The following CPA6 variants were observed in gnomAD, a reference collection of about 807,000 sequenced individuals.
CPA6 encodes carboxypeptidase A6, also known as carboxypeptidase B.
Under a neutral mutation model 63.3 loss-of-function variants are expected in CPA6, and 58 were observed. The ratio of observed to expected loss-of-function variants is 0.92; its 90% CI spans 0.74 to 1.14. The LOEUF is 1.14. CPA6 is among the 50% of genes most tolerant of loss of function. The pLI, the probability that CPA6 is intolerant of heterozygous loss-of-function variation, is 0.00. For missense variants in CPA6, 565 were observed against 526.6 expected, an observed-to-expected ratio of 1.07 and a Z score of -0.71; for synonymous variants, 185 against 179.0, an observed-to-expected ratio of 1.03 and a Z score of -0.27.
intron 2 of CPA6, among the ~76,000 whole-genome samples, chr8:67,527,351 G>A (rs1453709735): frequency 2.0e-5 from 3 of 151,996 alleles, no homozygotes; most frequent in Admixed American, 6.6e-5. Flanking sequence ...TTCAGATGTC[G>A]GCTTAAGAAT....
chr8:67,541,088 GA>G (rs920020922), intron 2 of CPA6, among the ~76,000 whole-genome samples: 210 of 146,384 alleles, frequency 1.4e-3, no homozygotes, highest in Middle Eastern at 3.5e-3. Context: ...CACTGGGTAC[GA>G]AAAAAAAAAA....
chr8:67,433,907 T>A, intron 9 of CPA6, 131 bp downstream of exon 9: 1 of 664,016 alleles, frequency 1.5e-6, no homozygotes, highest in Non-Finnish European at 2.6e-6. Context: ...AATAAATGAA[T>A]TAATACATGT....
At chr8:67,443,798 A>G (rs1810348937) in intron 8 of CPA6, among the ~76,000 whole-genome samples, 1 of 152,174 alleles carries the variant, frequency 6.6e-6, no homozygotes. Context: ...AGACACAATT[A>G]CAACAATCTG....
In CPA6 at chr8:67,428,235, G is replaced by T. The variant is rs1191833629; in HGVS notation, c.1042-104C>A. On this transcript the variant is annotated intron_variant, in intron 9 of 10. Transcript: ENST00000297770. ...TCGATCATCACCAGATGGCTTCATTGGTTAAGATCTATATTCATTAATAAT... is the reference window on the plus strand; with the variant it reads ...TCGATCATCACCAGATGGCTTCATTTGTTAAGATCTATATTCATTAATAAT... The T allele has an allele frequency of 6.3e-6, 4 of 630,292 alleles. No individual in the cohort carries two copies. The Admixed American group carries it at 8.6e-5, about 14-fold the overall frequency. The allele number at this position is 630,292 out of a possible 1,614,324, so 39.0% of individuals were successfully genotyped here.
intron 8 of CPA6, among the ~76,000 whole-genome samples, chr8:67,459,908 CG>C (rs1810762431): frequency 6.6e-6 from 1 of 151,956 alleles, no homozygotes; most frequent in South Asian, 2.1e-4. Flanking sequence ...GTTGACAATG[CG>C]GGAGGCTATG....
intron 1 of CPA6, among the ~76,000 whole-genome samples, chr8:67,713,089 GTGTGTGTGTGTATATATATA>G (rs1817299241): frequency 1.1e-5 from 1 of 88,238 alleles, no homozygotes; most frequent in Non-Finnish European, 2.2e-5. Context: ...GTGTATGTGT[GTGTGTGTGTGTATATATATA>G]TATATATATA....
rs549383692 is a variant in CPA6 at position 67,653,081 on chromosome 8, T to G, written c.117-28830A>C. On this transcript the variant is annotated intron_variant, in intron 1 of 10. Transcript: ENST00000297770. Reference sequence around the variant, plus strand: ...TGCGGCATTATTTCTGAGGGCTCTGTTGTGTTCCATTGATCTATATCTCTG... The same window carrying G: ...TGCGGCATTATTTCTGAGGGCTCTGGTGTGTTCCATTGATCTATATCTCTG... Among the ~76,000 whole-genome samples, 387 of 152,262 alleles carry G rather than the reference T, an allele frequency of 2.5e-3. 1 individual carries two copies. Among genetic ancestry groups the G allele is most frequent in the Middle Eastern group, 0.024 (7 of 294 alleles).
At chr8:67,489,927 C>A (rs1044869809) in intron 6 of CPA6, among the ~76,000 whole-genome samples, 2 of 152,232 alleles carry the variant, frequency 1.3e-5, no homozygotes, top group Non-Finnish European at 2.9e-5. Flanking sequence ...GTATTCTATT[C>A]TGGAAACAGT....
At chr8:67,484,550 C>A in intron 7 of CPA6, 129 bp downstream of exon 7, 1 of 537,728 alleles carries the variant, frequency 1.9e-6, no homozygotes, top group Non-Finnish European at 3.4e-6. Flanking sequence ...AGAGTGAAGG[C>A]CTCTTTTGCA....
At chr8:67,709,685 G>C (rs1817213606) in intron 1 of CPA6, among the ~76,000 whole-genome samples, 1 of 152,188 alleles carries the variant, frequency 6.6e-6, no homozygotes, top group South Asian at 2.1e-4. Flanking sequence ...TTTGGTTTTA[G>C]ACATTCCAGG....
intron 2 of CPA6, among the ~76,000 whole-genome samples, chr8:67,595,937 A>G (rs1814320659): frequency 6.6e-6 from 1 of 152,152 alleles, no homozygotes; most frequent in Admixed American, 6.5e-5. Context: ...TGAACCCAGT[A>G]CCTCAGATGG....
intron 2 of CPA6, among the ~76,000 whole-genome samples, chr8:67,546,768 C>G (rs1189532685): frequency 1.3e-5 from 2 of 152,168 alleles, no homozygotes; most frequent in African/African-American, 4.8e-5. Flanking sequence ...ATCCTCTCAC[C>G]TCAGCCTTCC....
intron 8 of CPA6, among the ~76,000 whole-genome samples, chr8:67,461,418 T>A (rs1187527803): frequency 2.0e-5 from 3 of 149,644 alleles, no homozygotes; most frequent in Non-Finnish European, 3.0e-5. Flanking sequence ...CAGAAGAATT[T>A]ATCTTAGTAC....
chr8:67,595,549 C>T (rs1246406684), intron 2 of CPA6, among the ~76,000 whole-genome samples: 1 of 152,242 alleles, frequency 6.6e-6, no homozygotes, highest in Non-Finnish European at 1.5e-5. Context: ...GTTCGAGCTT[C>T]CCGGCTGCTT....
At position 67,637,407 on chromosome 8, in the gene CPA6, A is replaced by C. The variant is rs373531222; in HGVS notation, c.117-13156T>G. The stretch of plus-strand genomic sequence containing the variant: ...AATAATGTCATGAAATTAATTTCTT[A>C]TAATAAGATATCTTCACTATGTCTC... On this transcript the variant is annotated intron_variant, in intron 1 of 10. Coordinates refer to ENST00000297770, the MANE Select transcript of CPA6 (RefSeq NM_020361.5). Among the ~76,000 whole-genome samples the C allele has an allele frequency of 2.6e-5, 4 of 151,662 alleles. No individual in the cohort carries two copies. The East Asian group carries it at 5.8e-4, about 22-fold the overall frequency.
chr8:67,735,077 G>A (rs1817787252), intron 1 of CPA6: 1 of 152,174 alleles, frequency 6.6e-6, no homozygotes, highest in Non-Finnish European at 1.5e-5. Flanking sequence ...TACATGACGT[G>A]TGTGTTAAGA....
At chr8:67,545,540 T>C (rs535248668) in intron 2 of CPA6, among the ~76,000 whole-genome samples, 2 of 150,304 alleles carry the variant, frequency 1.3e-5, no homozygotes, top group Non-Finnish European at 3.0e-5. Flanking sequence ...TTAATCTGTT[T>C]CTTTCCACAG....
intron 1 of CPA6, among the ~76,000 whole-genome samples, chr8:67,745,728 A>G (rs921847635): frequency 1.3e-5 from 2 of 152,198 alleles, no homozygotes; most frequent in Non-Finnish European, 2.9e-5. Context: ...CACTGTAAAT[A>G]CTGACCATGG....
In CPA6 at chr8:67,673,683, C is replaced by T. The variant is rs187382858; in HGVS notation, c.117-49432G>A. ...CTGGGATTACAGGTGTGAGCCACTG[C>T]GCCTGGCCTTGTTTTATTATTTTTA... is the stretch of plus-strand genomic sequence containing the variant. On this transcript the variant is annotated intron_variant, in intron 1 of 10. Coordinates refer to ENST00000297770, the MANE Select transcript of CPA6 (RefSeq NM_020361.5). Among the ~76,000 whole-genome samples the T allele has an allele frequency of 2.4e-4, 37 of 151,994 alleles. No individual in the cohort carries two copies. The East Asian group carries it at 5.6e-3, about 23-fold the overall frequency.
Sources: allele counts gnomAD v4.1 joint callset (sites outside exome capture counted in the v4.1 genomes callset), GRCh38; gene constraint gnomAD v4.1.1; transcripts MANE v1.5; gene names NCBI Gene and HGNC (gene_info 2026-07-23, HGNC 2026-07-21).